Variants in ADCY5 observed in about 807,000 individuals in gnomAD.
The protein encoded by ADCY5 is adenylate cyclase type 5.
Under a neutral mutation model 119.7 loss-of-function variants are expected in ADCY5, and 30 were observed. That is an observed-to-expected ratio of 0.25 (90% CI 0.19 to 0.34). The LOEUF (loss-of-function observed/expected upper bound fraction) is 0.34. ADCY5 is among the 10% of genes least tolerant of loss of function. The probability of loss-of-function intolerance (pLI) is 1.00; values close to 1 mark genes in which losing one functional copy is unlikely to be tolerated. For missense variants in ADCY5, 1,324 were observed against 1,775.2 expected, an observed-to-expected ratio of 0.75 and a Z score of 4.57; for synonymous variants, 753 against 762.2, an observed-to-expected ratio of 0.99 and a Z score of 0.20.
chr3:123,379,992 A>G (rs1053283060), intron 1 of ADCY5, among the ~76,000 whole-genome samples: 3 of 152,168 alleles, frequency 2.0e-5, no homozygotes, highest in African/African-American at 7.2e-5. Context: ...ATTCAAATCC[A>G]GGGCCCTCTA....
At chr3:123,313,158 C>T (rs1940685988) in intron 12 of ADCY5, among the ~76,000 whole-genome samples, 1 of 152,232 alleles carries the variant, frequency 6.6e-6, no homozygotes, top group Non-Finnish European at 1.5e-5. Flanking sequence ...TCCACCTCTG[C>T]ACCTGCCAGG....
At chr3:123,347,948 C>A (rs1438618482) in intron 2 of ADCY5, 45 bp from the exon 3 acceptor site, 1 of 1,610,692 alleles carries the variant, frequency 6.2e-7, no homozygotes, top group South Asian at 1.1e-5. Flanking sequence ...CTTCTACCTG[C>A]CTGGCAAGTG....
rs1276397684 is a variant in ADCY5 at position 123,320,605 on chromosome 3, G to A, written c.2111+144C>T. The A allele has an allele frequency of 6.1e-6, 7 of 1,148,702 alleles. No individual in the cohort carries two copies. The East Asian group carries it at 7.3e-5, about 12-fold the overall frequency. The allele number at this position is 1,148,702 out of a possible 1,614,324, so 71.2% of individuals were successfully genotyped here. ...CTGGGGCTGCTGCTGACCACCTGAC[G>A]GCTAGGGTGGGCTCCATTCACTCTC... On this transcript the variant is annotated intron_variant, in intron 9 of 20. Transcript: ENST00000462833.
At chr3:123,363,310 T>C (rs1943325724) in intron 1 of ADCY5, among the ~76,000 whole-genome samples, 1 of 152,192 alleles carries the variant, frequency 6.6e-6, no homozygotes, top group South Asian at 2.1e-4. Context: ...GTATTTTACC[T>C]ATTTAAATAG....
chr3:123,347,642 G>C (rs1942621005), intron 3 of ADCY5, 140 bp downstream of exon 3: 1 of 1,110,470 alleles, frequency 9.0e-7, no homozygotes, highest in East Asian at 2.4e-5. Flanking sequence ...GGAGGGGTGG[G>C]GCTGGCATGC....
chr3:123,364,364 A>G (rs997468385), intron 1 of ADCY5, among the ~76,000 whole-genome samples: 2 of 152,194 alleles, frequency 1.3e-5, no homozygotes, highest in Non-Finnish European at 2.9e-5. Context: ...GGGAAAAGAG[A>G]TTCAAAATAG....
intron 1 of ADCY5, among the ~76,000 whole-genome samples, chr3:123,418,016 G>T (rs1310675013): frequency 6.6e-6 from 1 of 152,208 alleles, no homozygotes; most frequent in Admixed American, 6.5e-5. Context: ...AGTAATCAGA[G>T]TGGGCTCATT....
chr3:123,304,391 T>G (rs974458527), intron 12 of ADCY5, among the ~76,000 whole-genome samples: 2 of 152,124 alleles, frequency 1.3e-5, no homozygotes, highest in African/African-American at 4.8e-5. Flanking sequence ...CAGGGCAGAT[T>G]CTGCAGCTGA....
At chr3:123,386,610 C>T (rs1412230082) in intron 1 of ADCY5, among the ~76,000 whole-genome samples, 2 of 152,156 alleles carry the variant, frequency 1.3e-5, no homozygotes, top group Non-Finnish European at 2.9e-5. Flanking sequence ...ATATGGTCAC[C>T]ATACCCCGAC....
At chr3:123,383,932 CA>C (rs1944124283) in intron 1 of ADCY5, among the ~76,000 whole-genome samples, 1 of 43,938 alleles carries the variant, frequency 2.3e-5, no homozygotes, top group African/African-American at 1.5e-4. Context: ...CATGCACACA[CA>C]CACACACACC....
chr3:123,309,910 C>T (rs1576552767), intron 12 of ADCY5, among the ~76,000 whole-genome samples: 2 of 151,976 alleles, frequency 1.3e-5, no homozygotes, highest in East Asian at 3.9e-4. Flanking sequence ...GGAGAACCAG[C>T]AAGGTGGGTT....
In ADCY5 at chr3:123,447,786, G is replaced by A; in HGVS notation, c.760C>T (p.Leu254=). The change falls in exon 1 of 21, where the codon CTG becomes TTG. Residue 254 remains leucine (L), a synonymous_variant. Transcript: ENST00000462833. ...MLMAVLVLVC[L]VMLAFHAARP... The stretch of plus-strand genomic sequence containing the variant: ...GCCGCGTGGAAGGCCAACATGACCA[G>A]GCACACGAGCACCAGCACGGCCATG... 1.2e-6 allele frequency: 2 copies of A among 1,611,236 alleles called. No individual in the cohort carries two copies. The highest frequency in any genetic ancestry group is 1.7e-6 in the Non-Finnish European group (2 of 1,178,596).
At chr3:123,426,599 G>A (rs1338856186) in intron 1 of ADCY5, among the ~76,000 whole-genome samples, 1 of 152,160 alleles carries the variant, frequency 6.6e-6, no homozygotes, top group African/African-American at 2.4e-5. Context: ...CCAAAGTGCT[G>A]GGATTACGGG....
At chr3:123,300,698 A>G (rs72964516) in intron 14 of ADCY5, among the ~76,000 whole-genome samples, 5,394 of 152,266 alleles carry the variant, frequency 0.035, 331 homozygotes, top group African/African-American at 0.12. Context: ...TGCAGTGTCC[A>G]GCACCCTCAA....
chr3:123,325,847 C>T (rs1450776667), intron 7 of ADCY5, among the ~76,000 whole-genome samples: 1 of 152,394 alleles, frequency 6.6e-6, no homozygotes, highest in Non-Finnish European at 1.5e-5. Flanking sequence ...TGAGCTGACG[C>T]ACCCAGCTGC....
chr3:123,448,126 C>G lies in ADCY5; in HGVS notation c.420G>C (p.Ala140=). 1 of 1,041,814 alleles carries G rather than the reference C, an allele frequency of 9.6e-7. No individual in the cohort carries two copies. Among genetic ancestry groups the G allele is most frequent in the Non-Finnish European group, 1.1e-6 (1 of 872,186 alleles). 64.5% of individuals were successfully genotyped at this position (1,041,814 alleles called of 1,614,324 possible). ...TCCCGCCCGCCGAGGCAGCCGCCGC[C>G]GCCGAGCCGCCGCCGCCGCCCGCAG... ...APPAGGGGGS[A]AAAASAGGTE... The change falls in exon 1 of 21, where the codon GCG becomes GCC. Residue 140 remains alanine (A), a synonymous_variant. Coordinates refer to ENST00000462833, the MANE Select transcript of ADCY5 (RefSeq NM_183357.3).
chr3:123,388,675 G>T (rs13082039), intron 1 of ADCY5, among the ~76,000 whole-genome samples: 3 of 152,136 alleles, frequency 2.0e-5, no homozygotes, highest in African/African-American at 7.2e-5. Flanking sequence ...AAAAGAGGAG[G>T]CCAAAACAAC....
chr3:123,424,059 G>A (rs995381960), intron 1 of ADCY5, among the ~76,000 whole-genome samples: 4 of 152,252 alleles, frequency 2.6e-5, no homozygotes, highest in South Asian at 2.1e-4. Context: ...TGAGGCCACC[G>A]TCCTAGAGCA....
intron 1 of ADCY5, among the ~76,000 whole-genome samples, chr3:123,415,159 A>G (rs1945155861): frequency 6.6e-6 from 1 of 152,194 alleles, no homozygotes; most frequent in East Asian, 1.9e-4. Context: ...TTCTAGACTC[A>G]TATTTTCTGT....
Sources: gnomAD v4.1 joint callset for allele counts (sites outside exome capture counted in the v4.1 genomes callset) on GRCh38, gnomAD v4.1.1 for gene constraint, MANE v1.5 for transcripts, NCBI Gene and HGNC (gene_info 2026-07-23, HGNC 2026-07-21) for gene names.